Variants in ACSM3 observed in about 807,000 individuals in gnomAD.
The protein encoded by ACSM3 is acyl-CoA synthetase medium chain family member 3.
ACSM3 carries 61 observed loss-of-function variants against 74.1 expected under a neutral mutation model. The observed-to-expected ratio is 0.82, with a 90% CI of 0.67 to 1.02. The LOEUF is 1.02. ACSM3 is among the 50% of genes least tolerant of loss of function. The pLI, the probability that ACSM3 is intolerant of heterozygous loss-of-function variation, is 0.00. For missense variants in ACSM3, 660 were observed against 697.0 expected (o/e 0.95, Z 0.60); for synonymous variants, 213 against 241.5 (o/e 0.88, Z 1.09).
At chr16:20,737,915 T>C (rs747641514) in intron 1 of ACSM3, 1 of 1,613,706 alleles carries the variant, frequency 6.2e-7, no homozygotes, top group South Asian at 1.1e-5. Flanking sequence ...TTCTTGGTTT[T>C]GTACATATCC....
chr16:20,786,495 A>G (rs2080478570), intron 9 of ACSM3, among the ~76,000 whole-genome samples: 1 of 152,212 alleles, frequency 6.6e-6, no homozygotes, highest in African/African-American at 2.4e-5. Context: ...AGCCTGGGCA[A>G]CAACGTGAGA....
chr16:20,681,088 G>A (rs2152307196), intron 1 of ACSM3: 1 of 152,252 alleles, frequency 6.6e-6, no homozygotes, highest in South Asian at 2.1e-4. Flanking sequence ...AATATTATTG[G>A]CCAGCTACCT....
At position 20,725,743 on chromosome 16, in the gene ACSM3, G is replaced by A. The variant is rs191220761; in HGVS notation, c.-189-24167G>A. Among the ~76,000 whole-genome samples the A allele has an allele frequency of 5.5e-4, 84 of 152,196 alleles. No homozygotes were observed. In the East Asian group the frequency reaches 0.011, roughly 19 times the overall value. On this transcript the variant is annotated intron_variant, in intron 1 of 3. Coordinates refer to the ACSM3 transcript ENST00000561584. The stretch of plus-strand genomic sequence containing the variant: ...ATCCCGACACTTTGGAAGCTGAGGC[G>A]GGCAGATCACCTGAGGTCAGGAGTT...
At chr16:20,768,592 A>G (rs2080153856) in intron 1 of ACSM3, among the ~76,000 whole-genome samples, 1 of 152,072 alleles carries the variant, frequency 6.6e-6, no homozygotes, top group African/African-American at 2.4e-5. Context: ...CCCAGAGCCC[A>G]CTCTGAAATA....
upstream of ACSM3, among the ~76,000 whole-genome samples, chr16:20,760,306 G>A (rs1348534063): frequency 2.6e-5 from 4 of 152,092 alleles, no homozygotes; most frequent in African/African-American, 4.8e-5. Flanking sequence ...CCTTTGTTGC[G>A]GGACAATCAA....
chr16:20,678,011 A>AAAATAAAT (rs146714630), intron 1 of ACSM3, among the ~76,000 whole-genome samples: 2,568 of 143,796 alleles, frequency 0.018, 43 homozygotes, highest in African/African-American at 0.036. Flanking sequence ...ACTAAAGGCT[A>AAAATAAAT]AAATAAATAA....
At chr16:20,738,933 C>T (rs1421601093) in intron 1 of ACSM3, 36 of 1,614,078 alleles carry the variant, frequency 2.2e-5, no homozygotes, top group Non-Finnish European at 2.8e-5. Flanking sequence ...ACGTTATTTG[C>T]TCCACTTTCC....
intron 1 of ACSM3, chr16:20,742,074 T>C (rs977173084): frequency 2.3e-6 from 3 of 1,329,514 alleles, no homozygotes; most frequent in Non-Finnish European, 2.9e-6. Flanking sequence ...CCAACCTTGG[T>C]ACCTGTTCCT....
At position 20,737,955 on chromosome 16, in the gene ACSM3, C is replaced by T. The variant is rs368769699; in HGVS notation, c.-189-11955C>T. 3.0e-4 allele frequency: 472 copies of T among 1,569,104 alleles called. 2 individuals are homozygous for T. The South Asian group carries it at 5.0e-3, about 17-fold the overall frequency. ...GAATATGATGCACCAATTTCTCAGGCTCTTAAGAAAAAAAAAAAGTTAAGA... is the reference window on the plus strand; with the variant it reads ...GAATATGATGCACCAATTTCTCAGGTTCTTAAGAAAAAAAAAAAGTTAAGA... On this transcript the variant is annotated intron_variant, in intron 1 of 3. Coordinates refer to the ACSM3 transcript ENST00000561584.
Position 20,685,846 on chromosome 16 carries a change from AC to A in ACSM3, c.-190+11025del, listed in dbSNP as rs1567311143. Reference sequence around the variant, plus strand: ...AAAAAAAAAAACAAACAAAAAAAAAACAAAAAACTTATAGCATCAGGAGAGG... The same window carrying A: ...AAAAAAAAAAACAAACAAAAAAAAAAAAAAAACTTATAGCATCAGGAGAGG... On this transcript the variant is annotated intron_variant, in intron 1 of 3. Transcript: ENST00000561584. Among the ~76,000 whole-genome samples, 951 of 102,624 alleles carry A rather than the reference AC, an allele frequency of 9.3e-3. 120 individuals are homozygous for A. Among genetic ancestry groups the A allele is most frequent in the African/African-American group, 0.021 (579 of 27,066 alleles). The allele number at this position is 102,624 out of a possible 152,430, so 67.3% of individuals were successfully genotyped here. A position where few individuals can be genotyped will look rare whatever the true frequency, so the allele number is the denominator to read the frequency against.
At chr16:20,747,877 A>G (rs1039177127) in intron 1 of ACSM3, among the ~76,000 whole-genome samples, 1 of 152,236 alleles carries the variant, frequency 6.6e-6, no homozygotes, top group Non-Finnish European at 1.5e-5. Context: ...ATGATGGCTC[A>G]CGCCTGTAAT....
At chr16:20,768,529 A>G (rs1019940112) in intron 1 of ACSM3, among the ~76,000 whole-genome samples, 1 of 152,184 alleles carries the variant, frequency 6.6e-6, no homozygotes, top group African/African-American at 2.4e-5. Flanking sequence ...GTGATTCTCA[A>G]CCATGGCTGC....
chr16:20,674,963 G>A (rs1343809558), intron 1 of ACSM3: 4 of 152,224 alleles, frequency 2.6e-5, no homozygotes, highest in African/African-American at 9.7e-5. Context: ...GATGAACCTC[G>A]TGTCCCCCTA....
intron 1 of ACSM3, chr16:20,711,543 G>C (rs1259677629): frequency 2.1e-6 from 3 of 1,427,068 alleles, no homozygotes; most frequent in South Asian, 2.4e-5. Flanking sequence ...AAGCATCCAA[G>C]GCCAAGTGCA....
At chr16:20,691,212 G>C in intron 1 of ACSM3, 1 of 1,532,320 alleles carries the variant, frequency 6.5e-7, no homozygotes, top group African/African-American at 1.4e-5. Flanking sequence ...TCAGAAACCA[G>C]GCACAGAGTT....
chr16:20,729,396 AG>A, intron 1 of ACSM3: 7 of 1,162,270 alleles, frequency 6.0e-6, no homozygotes, highest in Non-Finnish European at 6.5e-6. Context: ...AAGGATTGAC[AG>A]GGGGGGAGCT....
chr16:20,775,146 C>A (rs1019735206), intron 2 of ACSM3, among the ~76,000 whole-genome samples: 2 of 151,980 alleles, frequency 1.3e-5, no homozygotes, highest in African/African-American at 2.4e-5. Context: ...TCTACGGGAA[C>A]GTGTGGGGAT....
intron 1 of ACSM3, chr16:20,741,572 C>T: frequency 1.3e-6 from 2 of 1,582,268 alleles, no homozygotes; most frequent in Non-Finnish European, 8.6e-7. Flanking sequence ...CCTCCACGCA[C>T]TTGCGCTCGT....
At chr16:20,758,279 T>A (rs1254146996) in intron 3 of ACSM3, among the ~76,000 whole-genome samples, 4 of 152,216 alleles carry the variant, frequency 2.6e-5, no homozygotes, top group Admixed American at 2.6e-4. Context: ...TCTTTTTGGT[T>A]GGTAAGCTAT....
Sources: gnomAD v4.1 joint callset for allele counts (sites outside exome capture counted in the v4.1 genomes callset) on GRCh38, gnomAD v4.1.1 for gene constraint, MANE v1.5 for transcripts, NCBI Gene and HGNC (gene_info 2026-07-23, HGNC 2026-07-21) for gene names.